Variants in ANKRD36C observed in about 807,000 individuals in gnomAD.
The protein encoded by ANKRD36C is ankyrin repeat domain 36C, also known as ankyrin repeat domain-containing protein 36C.
Under a neutral mutation model 276.4 loss-of-function variants are expected in ANKRD36C, and 61 were observed. The observed-to-expected ratio is 0.22, with a 90% CI of 0.18 to 0.27. The LOEUF is 0.27. Among genes scored for constraint, ANKRD36C ranks in the 10% least tolerant of loss-of-function variants. The pLI is 1.00. For missense variants in ANKRD36C, 1,447 were observed against 2,032.3 expected (o/e 0.71, Z 5.54); for synonymous variants, 483 against 680.1 (o/e 0.71, Z 4.51).
chr2:95,977,434 G>A (rs1308793099), intron 6 of ANKRD36C, among the ~76,000 whole-genome samples: 2 of 152,020 alleles, frequency 1.3e-5, no homozygotes, highest in Non-Finnish European at 2.9e-5. Context: ...AAAAAATTAA[G>A]TAAAACAAAT....
chr2:95,914,221 T>C (rs773417560), intron 39 of ANKRD36C, 41 bp from the exon 42 acceptor site: 7 of 1,562,474 alleles, frequency 4.5e-6, no homozygotes, highest in Non-Finnish European at 4.3e-6. Flanking sequence ...TAATAAAGTA[T>C]GTTTCATAGA....
At chr2:95,860,037 A>G in exon 61 of ANKRD36C, 1 of 1,545,228 alleles carries the variant, frequency 6.5e-7, no homozygotes, top group Non-Finnish European at 8.7e-7. Context: ...TTTTACATAA[A>G]CAAAATGTCT....
intron 42 of ANKRD36C, 50 bp downstream of exon 54, chr2:95,902,836 T>C (rs1676695594): frequency 6.6e-7 from 1 of 1,512,858 alleles, no homozygotes; most frequent in Non-Finnish European, 8.9e-7. Context: ...GGAAGAGAAT[T>C]TCTTATCTAT....
intron 19 of ANKRD36C, among the ~76,000 whole-genome samples, chr2:95,943,346 G>T (rs141320143): frequency 0.022 from 3,285 of 147,454 alleles, 52 homozygotes; most frequent in Admixed American, 0.063. Context: ...TTAGCCGGGC[G>T]TGATGGCGGG....
intron 24 of ANKRD36C, among the ~76,000 whole-genome samples, chr2:95,933,647 G>T (rs571636393): frequency 1.6e-4 from 24 of 152,278 alleles, no homozygotes; most frequent in Non-Finnish European, 2.5e-4. Context: ...CTTTGCTGAT[G>T]TTGCTTATCA....
intron 36 of ANKRD36C, 146 bp downstream of exon 38, chr2:95,917,709 T>C (rs568764136): frequency 2.5e-5 from 29 of 1,151,256 alleles, no homozygotes; most frequent in Non-Finnish European, 3.5e-5. Flanking sequence ...CAAGAATTTA[T>C]TACAAATGAA....
intron 10 of ANKRD36C, among the ~76,000 whole-genome samples, chr2:95,960,243 T>C (rs1173544870): frequency 1.3e-5 from 2 of 152,062 alleles, no homozygotes; most frequent in Admixed American, 6.6e-5. Flanking sequence ...TGCTCTCCAA[T>C]GGTTCTTCTT....
chr2:95,980,930 G>A (rs1388712426), intron 4 of ANKRD36C, 145 bp from the exon 5 acceptor site: 14 of 1,257,978 alleles, frequency 1.1e-5, no homozygotes, highest in Non-Finnish European at 1.5e-5. Context: ...GTGCTCAAGG[G>A]TATATCTTTG....
chr2:95,980,200 T>C (rs1298495768), intron 5 of ANKRD36C, among the ~76,000 whole-genome samples: 1 of 152,124 alleles, frequency 6.6e-6, no homozygotes, highest in Non-Finnish European at 1.5e-5. Flanking sequence ...TTGTCTTCCT[T>C]GGACTTAGGG....
chr2:95,865,794 T>C (rs1675672787), intron 60 of ANKRD36C, among the ~76,000 whole-genome samples: 1 of 152,058 alleles, frequency 6.6e-6, no homozygotes, highest in Non-Finnish European at 1.5e-5. Flanking sequence ...ATATTTAAAT[T>C]AGCAATGCTC....
chr2:95,979,272 C>T (rs986366435), intron 5 of ANKRD36C, among the ~76,000 whole-genome samples: 1 of 151,936 alleles, frequency 6.6e-6, no homozygotes, highest in African/African-American at 2.4e-5. Context: ...GTCAAATGAC[C>T]TTCCCGTGAC....
chr2:95,946,983 T>A (rs1421312940), intron 17 of ANKRD36C, among the ~76,000 whole-genome samples: 1 of 152,082 alleles, frequency 6.6e-6, no homozygotes, highest in Non-Finnish European at 1.5e-5. Flanking sequence ...TATACATATG[T>A]TACTAACCTG....
chr2:95,853,643 A>G (rs1290479014), intron 64 of ANKRD36C, 66 bp downstream of exon 84: 2 of 1,524,556 alleles, frequency 1.3e-6, no homozygotes, highest in Non-Finnish European at 1.8e-6. Flanking sequence ...TAGTACCCCA[A>G]AACACTTTAT....
At chr2:95,947,184 T>C (rs538339521) in intron 17 of ANKRD36C, among the ~76,000 whole-genome samples, 29 of 152,152 alleles carry the variant, frequency 1.9e-4, no homozygotes, top group Non-Finnish European at 4.1e-4. Context: ...AAACACGCTG[T>C]ATCCACCTTT....
intron 6 of ANKRD36C, among the ~76,000 whole-genome samples, chr2:95,966,060 A>C (rs1446664098): frequency 4.6e-5 from 7 of 152,174 alleles, no homozygotes; most frequent in Admixed American, 4.6e-4. Flanking sequence ...CTTAAAGGCT[A>C]TGTCTACCAA....
chr2:95,862,813 A>G (rs1675614052), intron 60 of ANKRD36C, among the ~76,000 whole-genome samples: 1 of 152,102 alleles, frequency 6.6e-6, no homozygotes, highest in African/African-American at 2.4e-5. Context: ...ATTAGTACTT[A>G]GTGCTCTTAT....
chr2:95,850,788 G>C (rs1484358833), downstream of ANKRD36C, among the ~76,000 whole-genome samples: 1 of 152,210 alleles, frequency 6.6e-6, no homozygotes, highest in East Asian at 1.9e-4. Flanking sequence ...ATTATCACGA[G>C]TGTGGGGTCT....
intron 36 of ANKRD36C, 100 bp from the exon 39 acceptor site, chr2:95,916,271 T>A (rs945055345): frequency 6.4e-7 from 1 of 1,561,114 alleles, no homozygotes; most frequent in African/African-American, 1.4e-5. Context: ...CTCCTGCCTG[T>A]ATTAGTGGAG....
intron 56 of ANKRD36C, among the ~76,000 whole-genome samples, chr2:95,881,282 C>G (rs2104323905): frequency 6.6e-6 from 1 of 152,146 alleles, no homozygotes; most frequent in South Asian, 2.1e-4. Context: ...CCACTAATGG[C>G]AAGAAGGTAT....
Sources: gnomAD v4.1 joint callset for allele counts (sites outside exome capture counted in the v4.1 genomes callset) on GRCh38, gnomAD v4.1.1 for gene constraint, MANE v1.5 for transcripts, NCBI Gene and HGNC (gene_info 2026-07-23, HGNC 2026-07-21) for gene names.